The following CNOT10 variants were observed in gnomAD, a reference collection of about 807,000 sequenced individuals.
CNOT10 encodes the protein CCR4-NOT transcription complex subunit 10, also known as CCR4-NOT transcription complex, subunit 10.
A neutral mutation model predicts 94.6 loss-of-function variants in CNOT10; 30 were observed. The observed-to-expected ratio is 0.32, with a 90% CI of 0.24 to 0.43. The LOEUF (loss-of-function observed/expected upper bound fraction) is 0.43. CNOT10 is among the 20% of genes least tolerant of loss of function. CNOT10 has a pLI of 1.00. For synonymous variants in CNOT10, 289 were observed against 301.6 expected, an observed-to-expected ratio of 0.96 and a Z score of 0.43; for missense variants, 759 against 877.2, an observed-to-expected ratio of 0.87 and a Z score of 1.70.
At chr3:32,744,567 GA>G (rs1699613897) in intron 13 of CNOT10, among the ~76,000 whole-genome samples, 1 of 152,112 alleles carries the variant, frequency 6.6e-6, no homozygotes, top group Non-Finnish European at 1.5e-5. Context: ...GAAGTTGTGA[GA>G]TTGTATATTA....
In CNOT10 at chr3:32,734,895, A is replaced by G; in HGVS notation, c.1433A>G (p.Asp478Gly). ...TTGCTGCTACCTGAAGAACAGCAAG[A>G]TCCAAAGCAGGAAAATGGGGCTAAA... Reference protein sequence around the residue: ...ALLLLPEEQQDPKQENGAKNS... With the variant: ...ALLLLPEEQQGPKQENGAKNS... Residue 478 changes from aspartate (D) to glycine (G), a missense_variant, in exon 12 of 19, where the codon GAT becomes GGT. By Grantham distance (94) the Asp-to-Gly change is moderately conservative. This residue lies in a region of CNOT10 where 682 missense variants were observed against 799.4 expected (regional missense o/e 0.85). Transcript: ENST00000328834. The G allele has an allele frequency of 6.2e-7, 1 of 1,614,176 alleles. No homozygotes were observed. The highest frequency in any genetic ancestry group is 1.1e-5 in the South Asian group (1 of 91,082).
At chr3:32,741,758 G>A (rs1209322337) in intron 13 of CNOT10, among the ~76,000 whole-genome samples, 1 of 134,430 alleles carries the variant, frequency 7.4e-6, no homozygotes, top group African/African-American at 2.8e-5. Context: ...GACAGAGCGA[G>A]ACTCCGTCTC....
At chr3:32,772,911 G>C (rs1700976478) in intron 18 of CNOT10, among the ~76,000 whole-genome samples, 1 of 152,174 alleles carries the variant, frequency 6.6e-6, no homozygotes, top group Non-Finnish European at 1.5e-5. Flanking sequence ...TGTCACCCAG[G>C]CTGGAATGTA....
chr3:32,764,839 T>A (rs756851478), intron 17 of CNOT10, 30 bp downstream of exon 17: 1 of 1,606,916 alleles, frequency 6.2e-7, no homozygotes, highest in Non-Finnish European at 8.5e-7. Flanking sequence ...AACTGAACCT[T>A]GTAAAGCAGC....
chr3:32,713,196 A>G, intron 4 of CNOT10, 31 bp from the exon 5 acceptor site: 1 of 1,544,626 alleles, frequency 6.5e-7, no homozygotes, highest in Non-Finnish European at 8.7e-7. Context: ...TTAGGTTGTG[A>G]CTATTCTTTT....
At chr3:32,703,237 A>T (rs1697455223) in intron 1 of CNOT10, among the ~76,000 whole-genome samples, 2 of 151,968 alleles carry the variant, frequency 1.3e-5, no homozygotes, top group South Asian at 4.2e-4. Flanking sequence ...TTAATCAGTT[A>T]TTGTTGAGAG....
chr3:32,762,142 T>C (rs1177010960), intron 14 of CNOT10, among the ~76,000 whole-genome samples: 2 of 149,232 alleles, frequency 1.3e-5, no homozygotes, highest in East Asian at 4.0e-4. Context: ...ATTAAGATTT[T>C]GAGCAGATCA....
chr3:32,705,315 G>T (rs536555948), intron 3 of CNOT10, among the ~76,000 whole-genome samples: 5 of 152,090 alleles, frequency 3.3e-5, no homozygotes, highest in African/African-American at 1.2e-4. Context: ...ATGTCAAGTC[G>T]TTTTAGCATT....
Position 32,729,760 on chromosome 3 carries a change from C to CTT in CNOT10, c.1215+1915_1215+1916dup, listed in dbSNP as rs10590243. ...ACAGTTCTAGGCAGAATTTATACTT[C>CTT]TTTTTTTTTTTTTTTTTTTTTTTTT... is the stretch of plus-strand genomic sequence containing the variant. On this transcript the variant is annotated intron_variant, in intron 10 of 18. Transcript: ENST00000328834. 1.5e-3 allele frequency among the ~76,000 whole-genome samples: 110 copies of CTT among 71,752 alleles called. 10 individuals carry two copies. Among genetic ancestry groups the CTT allele is most frequent in the African/African-American group, 5.0e-3 (90 of 18,026 alleles). The allele number at this position is 71,752 out of a possible 152,430, so 47.1% of individuals were successfully genotyped here. A position where few individuals can be genotyped will look rare whatever the true frequency, so the allele number is the denominator to read the frequency against.
At chr3:32,746,698 G>A (rs147023094) in intron 13 of CNOT10, among the ~76,000 whole-genome samples, 3,358 of 152,212 alleles carry the variant, frequency 0.022, 52 homozygotes, top group East Asian at 0.048. Flanking sequence ...TTAGCCAGGC[G>A]TGGTGGCAGG....
intron 13 of CNOT10, among the ~76,000 whole-genome samples, chr3:32,746,336 T>A (rs1699698942): frequency 1.3e-5 from 2 of 152,200 alleles, no homozygotes; most frequent in African/African-American, 4.8e-5. Flanking sequence ...TATTGTGCAC[T>A]GTATTTCTAT....
rs1418083230 is a variant in CNOT10, at chr3:32,742,485, G to A, written c.1595+4995G>A. On this transcript the variant is annotated intron_variant, in intron 13 of 18. Transcript: ENST00000328834. ...CAACCTCCGCCTCCCAGGTGCAAGC[G>A]ACTCTCATGCCTCAGCCTCCTGAGT... Among the ~76,000 whole-genome samples the A allele has an allele frequency of 5.3e-5, 8 of 151,400 alleles. No homozygotes were observed. In the East Asian group the frequency reaches 9.7e-4, roughly 18 times the overall value.
At position 32,734,794 on chromosome 3, in the gene CNOT10, T is replaced by C. The variant is rs1699104622; in HGVS notation, c.1338-6T>C. 6.3e-7 allele frequency: 1 copy of C among 1,578,752 alleles called. No individual in the cohort carries two copies. The highest frequency in any genetic ancestry group is 1.4e-5 in the African/African-American group (1 of 73,998). On this transcript the variant is annotated splice_polypyrimidine_tract_variant and splice_region_variant and intron_variant, in intron 11 of 18. Coordinates refer to ENST00000328834, the MANE Select transcript of CNOT10 (RefSeq NM_015442.3). ...CACTTAGCTAATTTGGTTTTGTTCT[T>C]TTAAGTGATGGGCAGTCTTCGGCCA...
rs754124949 is a variant in CNOT10, at chr3:32,764,443, G to A, written c.1841-12G>A. 10 of 1,613,220 alleles carry A rather than the reference G, an allele frequency of 6.2e-6. No individual in the cohort carries two copies. Among genetic ancestry groups the A allele is most frequent in the East Asian group, 2.2e-5 (1 of 44,884 alleles). On this transcript the variant is annotated splice_polypyrimidine_tract_variant and intron_variant, in intron 15 of 18. Coordinates refer to ENST00000328834, the MANE Select transcript of CNOT10 (RefSeq NM_015442.3). ...TGTTCTGCCCCTCAGATTTATTTTC[G>A]TGTTTTTGTAGGATCAGACAAAGGT...
intron 4 of CNOT10, among the ~76,000 whole-genome samples, chr3:32,709,954 C>G (rs1314429302): frequency 6.6e-6 from 1 of 151,998 alleles, no homozygotes; most frequent in Non-Finnish European, 1.5e-5. Context: ...GGAGACCAGC[C>G]TGATCAACAT....
chr3:32,685,783 C>T (rs1178567430), intron 1 of CNOT10, among the ~76,000 whole-genome samples: 1 of 152,182 alleles, frequency 6.6e-6, no homozygotes, highest in Non-Finnish European at 1.5e-5. Flanking sequence ...GAATTTTCCG[C>T]TTCTTCGTGG....
chr3:32,764,248 A>T (rs1700569659), intron 15 of CNOT10: 1 of 517,974 alleles, frequency 1.9e-6, no homozygotes, highest in Non-Finnish European at 3.4e-6. Context: ...GAGGCAGGAG[A>T]ATCGCTTGAA....
intron 12 of CNOT10, among the ~76,000 whole-genome samples, chr3:32,736,478 A>G (rs1013755994): frequency 6.6e-6 from 1 of 152,102 alleles, no homozygotes; most frequent in Non-Finnish European, 1.5e-5. Context: ...ATACATATTT[A>G]CTATAGAAAA....
chr3:32,755,301 TTTTTTCTTTTTC>T (rs1288969587), intron 13 of CNOT10, among the ~76,000 whole-genome samples: 1 of 149,426 alleles, frequency 6.7e-6, no homozygotes, highest in African/African-American at 2.4e-5. Flanking sequence ...TTTTATTTTC[TTTTTTCTTTTTC>T]TTTTTCTTTT....
Sources: allele counts gnomAD v4.1 joint callset (sites outside exome capture counted in the v4.1 genomes callset), GRCh38; gene constraint gnomAD v4.1.1; regional missense constraint gnomAD v4.1.1; transcripts MANE v1.5; gene names NCBI Gene and HGNC (gene_info 2026-07-23, HGNC 2026-07-21).